Variants in GRIA1 observed in about 807,000 individuals in gnomAD.
GRIA1 encodes the protein glutamate receptor 1.
GRIA1 carries 31 observed loss-of-function variants against 99.2 expected under a neutral mutation model. The ratio of observed to expected loss-of-function variants is 0.31; its 90% CI spans 0.23 to 0.42. The LOEUF (loss-of-function observed/expected upper bound fraction) is 0.42, where lower values mean the gene tolerates loss of function less well. Among genes scored for constraint, GRIA1 ranks in the 10% least tolerant of loss-of-function variants. GRIA1 has a pLI of 1.00. For missense variants in GRIA1, 782 were observed against 1,157.5 expected, an observed-to-expected ratio of 0.68 and a Z score of 4.71; for synonymous variants, 438 against 432.4, an observed-to-expected ratio of 1.01 and a Z score of -0.16.
chr5:153,670,423 G>T (rs762558562), intron 5 of GRIA1, among the ~76,000 whole-genome samples: 4 of 147,218 alleles, frequency 2.7e-5, no homozygotes, highest in Admixed American at 1.4e-4. Flanking sequence ...TGAAAAACAA[G>T]TACTCTGTAG....
Position 153,813,335 on chromosome 5 carries a change from C to G in GRIA1, c.*2110C>G, listed in dbSNP as rs977107181. ...CATCTTGGAAGAGTTGGAAATAACC[C>G]TTTAACATCAACATGCTTCAAAGAC... On this transcript the variant is annotated 3_prime_UTR_variant, in exon 16 of 16. Transcript: ENST00000285900. The G allele has an allele frequency of 2.0e-5, 3 of 152,200 alleles. No homozygotes were observed. The highest frequency in any genetic ancestry group is 2.9e-5 in the Non-Finnish European group (2 of 68,050). 9.4% of individuals were successfully genotyped at this position (152,200 alleles called of 1,614,324 possible). A position where few individuals can be genotyped will look rare whatever the true frequency, so the allele number is the denominator to read the frequency against.
At chr5:153,532,721 T>C (rs1007315614) in intron 2 of GRIA1, among the ~76,000 whole-genome samples, 9 of 152,178 alleles carry the variant, frequency 5.9e-5, no homozygotes, top group Admixed American at 2.0e-4. Flanking sequence ...AACCTGAGGA[T>C]CTTGGTAAAA....
At chr5:153,517,945 C>T (rs1452558380) in intron 2 of GRIA1, among the ~76,000 whole-genome samples, 3 of 152,214 alleles carry the variant, frequency 2.0e-5, no homozygotes, top group Admixed American at 6.5e-5. Flanking sequence ...CTAACCTTAC[C>T]TCTTGCCCCT....
At chr5:153,544,723 A>G (rs1392889301) in intron 2 of GRIA1, among the ~76,000 whole-genome samples, 2 of 152,196 alleles carry the variant, frequency 1.3e-5, no homozygotes, top group African/African-American at 4.8e-5. Flanking sequence ...GGTCAGGGAA[A>G]AGCCGAGAGG....
At chr5:153,681,331 T>C (rs913223148) in intron 7 of GRIA1, among the ~76,000 whole-genome samples, 1 of 152,142 alleles carries the variant, frequency 6.6e-6, no homozygotes, top group Non-Finnish European at 1.5e-5. Flanking sequence ...ACCTCCAACG[T>C]CCAGGGTCAT....
At chr5:153,544,716 C>T (rs1330101859) in intron 2 of GRIA1, among the ~76,000 whole-genome samples, 1 of 151,894 alleles carries the variant, frequency 6.6e-6, no homozygotes, top group Non-Finnish European at 1.5e-5. Context: ...ATGCCAAGGT[C>T]AGGGAAAAGC....
At chr5:153,707,258 A>G (rs1272807907) in intron 11 of GRIA1, among the ~76,000 whole-genome samples, 2 of 152,164 alleles carry the variant, frequency 1.3e-5, no homozygotes, top group South Asian at 2.1e-4. Context: ...TGTTTTATAT[A>G]TTGGACTTGT....
chr5:153,651,404 G>C (rs371098703), intron 4 of GRIA1, among the ~76,000 whole-genome samples: 2 of 151,526 alleles, frequency 1.3e-5, no homozygotes, highest in Non-Finnish European at 2.9e-5. Context: ...GCTTCCCCTG[G>C]TCTCAAAACA....
intron 7 of GRIA1, among the ~76,000 whole-genome samples, chr5:153,679,460 G>C (rs1448157627): frequency 6.6e-6 from 1 of 152,196 alleles, no homozygotes; most frequent in East Asian, 1.9e-4. Context: ...AGCAAATCCA[G>C]AGTGGGCAGT....
chr5:153,499,613 CAAAAAAAAA>C (rs70976100), intron 2 of GRIA1, among the ~76,000 whole-genome samples: 1 of 42,126 alleles, frequency 2.4e-5, no homozygotes, highest in Admixed American at 4.0e-4. Flanking sequence ...GAATTTGTCT[CAAAAAAAAA>C]AAAAAAAAAA....
chr5:153,571,955 C>G (rs1486702288), intron 2 of GRIA1, among the ~76,000 whole-genome samples: 1 of 152,092 alleles, frequency 6.6e-6, no homozygotes, highest in South Asian at 2.1e-4. Flanking sequence ...AGTTGCCATG[C>G]CATTTTAAGT....
chr5:153,603,748 G>C (rs1340109281), intron 2 of GRIA1, among the ~76,000 whole-genome samples: 3 of 152,132 alleles, frequency 2.0e-5, no homozygotes, highest in Non-Finnish European at 4.4e-5. Flanking sequence ...AACAAGAAGG[G>C]ACTGATCATG....
At chr5:153,692,530 A>AT (rs1757836308) in intron 8 of GRIA1, among the ~76,000 whole-genome samples, 1 of 152,202 alleles carries the variant, frequency 6.6e-6, no homozygotes, top group Non-Finnish European at 1.5e-5. Flanking sequence ...TTGTTTATAT[A>AT]TTATCTATAT....
At chr5:153,758,775 C>T (rs1015294479) in intron 11 of GRIA1, among the ~76,000 whole-genome samples, 1 of 151,880 alleles carries the variant, frequency 6.6e-6, no homozygotes, top group Non-Finnish European at 1.5e-5. Flanking sequence ...TTATTTGCAA[C>T]AGAACATAGA....
intron 2 of GRIA1, among the ~76,000 whole-genome samples, chr5:153,597,864 T>C (rs1002533484): frequency 6.6e-6 from 1 of 151,434 alleles, no homozygotes; most frequent in African/African-American, 2.4e-5. Context: ...AAAAATTAAT[T>C]AGCCTGGTGC....
chr5:153,511,737 C>T (rs892853117), intron 2 of GRIA1, among the ~76,000 whole-genome samples: 1 of 152,208 alleles, frequency 6.6e-6, no homozygotes, highest in African/African-American at 2.4e-5. Context: ...TTGACCGTCA[C>T]CCAAGGCCTC....
chr5:153,765,735 C>G (rs1763473646), intron 12 of GRIA1, among the ~76,000 whole-genome samples: 1 of 152,176 alleles, frequency 6.6e-6, no homozygotes, highest in South Asian at 2.1e-4. Context: ...TAATAAGAAA[C>G]ATTTGCTACC....
At chr5:153,809,450 T>C (rs768551236) in intron 15 of GRIA1, among the ~76,000 whole-genome samples, 2 of 152,124 alleles carry the variant, frequency 1.3e-5, no homozygotes, top group African/African-American at 4.8e-5. Flanking sequence ...AAAAAGAACA[T>C]TTTAAAACAT....
intron 2 of GRIA1, among the ~76,000 whole-genome samples, chr5:153,634,823 A>C (rs1449738199): frequency 6.6e-6 from 1 of 152,244 alleles, no homozygotes; most frequent in Non-Finnish European, 1.5e-5. Flanking sequence ...TAGTGCTCAC[A>C]GCTCCAGAAA....
Sources: allele counts gnomAD v4.1 joint callset (sites outside exome capture counted in the v4.1 genomes callset), GRCh38; gene constraint gnomAD v4.1.1; transcripts MANE v1.5; gene names NCBI Gene and HGNC (gene_info 2026-07-23, HGNC 2026-07-21).